CAMTA1: variants seen among roughly 807,000 people sequenced by gnomAD.
CAMTA1 encodes the protein calmodulin-binding transcription activator 1.
CAMTA1 carries 27 observed loss-of-function variants against 170.9 expected under a neutral mutation model. That is an observed-to-expected ratio of 0.16 (90% CI 0.12 to 0.22). CAMTA1 has a LOEUF of 0.22. Among genes scored for constraint, CAMTA1 ranks in the 10% least tolerant of loss-of-function variants. The probability of loss-of-function intolerance (pLI) is 1.00; values close to 1 mark genes in which losing one functional copy is unlikely to be tolerated. For synonymous variants in CAMTA1, 833 were observed against 891.5 expected, an observed-to-expected ratio of 0.93 and a Z score of 1.17; for missense variants, 1,619 against 2,217.2, an observed-to-expected ratio of 0.73 and a Z score of 5.42.
At chr1:7,230,439 C>A (rs963227388) in intron 4 of CAMTA1, among the ~76,000 whole-genome samples, 7 of 83,508 alleles carry the variant, frequency 8.4e-5, no homozygotes, top group South Asian at 4.9e-4. Flanking sequence ...CTGACCCCCC[C>A]CCCCCGCCCC....
chr1:7,193,096 A>G (rs1450825960), intron 4 of CAMTA1, among the ~76,000 whole-genome samples: 1 of 152,098 alleles, frequency 6.6e-6, no homozygotes, highest in Non-Finnish European at 1.5e-5. Flanking sequence ...CACACCTGTA[A>G]TCCCAGCACT....
intron 5 of CAMTA1, among the ~76,000 whole-genome samples, chr1:7,450,281 G>A (rs1347469456): frequency 6.6e-6 from 1 of 152,202 alleles, no homozygotes; most frequent in Non-Finnish European, 1.5e-5. Context: ...CCATCAGCCA[G>A]CCAGTGAAGA....
At chr1:7,246,539 A>T (rs979037712) in intron 4 of CAMTA1, among the ~76,000 whole-genome samples, 1 of 151,914 alleles carries the variant, frequency 6.6e-6, no homozygotes, top group Non-Finnish European at 1.5e-5. Flanking sequence ...GCTATCTTTT[A>T]TGCCATCATG....
intron 5 of CAMTA1, among the ~76,000 whole-genome samples, chr1:7,343,934 G>A (rs1041267835): frequency 1.3e-5 from 2 of 152,176 alleles, no homozygotes; most frequent in Non-Finnish European, 2.9e-5. Flanking sequence ...ACCATTCACC[G>A]AACTCTTCTG....
chr1:7,337,564 G>A (rs2149788758), intron 5 of CAMTA1, among the ~76,000 whole-genome samples: 1 of 138,506 alleles, frequency 7.2e-6, no homozygotes, highest in South Asian at 2.4e-4. Context: ...CACAGTGTGG[G>A]CAGTGGGCCT....
At chr1:7,583,535 GC>G (rs2150412213) in intron 6 of CAMTA1, among the ~76,000 whole-genome samples, 1 of 152,248 alleles carries the variant, frequency 6.6e-6, no homozygotes, top group South Asian at 2.1e-4. Context: ...GCAGAGGCTG[GC>G]CCTGCATGGA....
chr1:7,574,777 C>T lies in CAMTA1; in HGVS notation c.511-65623C>T, dbSNP rs891468274. ...AGAGAGAGGCCAGGTGTCAGGCTGGCTGAGATGGAAGAAAAGTTCCAGGCT... is the reference window on the plus strand; with the variant it reads ...AGAGAGAGGCCAGGTGTCAGGCTGGTTGAGATGGAAGAAAAGTTCCAGGCT... On this transcript the variant is annotated intron_variant, in intron 6 of 22. Transcript: ENST00000303635. Among the ~76,000 whole-genome samples, 3 of 152,142 alleles carry T rather than the reference C, an allele frequency of 2.0e-5. 1 individual carries two copies. Among genetic ancestry groups the T allele is most frequent in the African/African-American group, 7.2e-5 (3 of 41,420 alleles).
intron 3 of CAMTA1, among the ~76,000 whole-genome samples, chr1:6,868,628 C>T (rs1667465226): frequency 6.6e-6 from 1 of 152,072 alleles, no homozygotes; most frequent in East Asian, 1.9e-4. Context: ...AAGTACTACT[C>T]CTTGGTGTGG....
rs551899104 is a variant in CAMTA1, at chr1:7,256,186, G to A, written c.438+6560G>A. Reference sequence around the variant, plus strand: ...AATTTCTAATTACTTGGCATCCCTGGTGACATGTTTCTACCCAATTCATAT... The same window carrying A: ...AATTTCTAATTACTTGGCATCCCTGATGACATGTTTCTACCCAATTCATAT... On this transcript the variant is annotated intron_variant, in intron 5 of 22. Transcript: ENST00000303635. 8.3e-4 allele frequency among the ~76,000 whole-genome samples: 126 copies of A among 152,248 alleles called. 1 individual carries two copies. In the South Asian group the frequency reaches 0.025, roughly 30 times the overall value.
intron 5 of CAMTA1, among the ~76,000 whole-genome samples, chr1:7,390,812 G>A (rs958085197): frequency 2.6e-5 from 4 of 152,220 alleles, no homozygotes; most frequent in African/African-American, 7.2e-5. Context: ...TGCACCGCCC[G>A]CCAGGTGTGC....
In CAMTA1 at chr1:6,926,179, CTCA is replaced by C. The variant is rs370234981; in HGVS notation, c.234+100974_234+100976del. Among the ~76,000 whole-genome samples, 180 of 152,348 alleles carry C rather than the reference CTCA, an allele frequency of 1.2e-3. 1 individual carries two copies. The highest frequency in any genetic ancestry group is 4.2e-3 in the African/African-American group (176 of 41,586). On this transcript the variant is annotated intron_variant, in intron 3 of 22. Coordinates refer to ENST00000303635, the MANE Select transcript of CAMTA1 (RefSeq NM_015215.4). ...TTGGTGGTTGTCACTAATGATCACT[CTCA>C]TCATGCCTATCTGCCCCACGTTGGG...
At chr1:7,160,055 G>C (rs531015552) in intron 4 of CAMTA1, among the ~76,000 whole-genome samples, 21 of 152,202 alleles carry the variant, frequency 1.4e-4, no homozygotes, top group Admixed American at 1.3e-3. Flanking sequence ...TTTGAGACCA[G>C]CCTGGCCAGC....
At chr1:7,163,134 A>T (rs1477604687) in intron 4 of CAMTA1, among the ~76,000 whole-genome samples, 1 of 151,648 alleles carries the variant, frequency 6.6e-6, no homozygotes, top group African/African-American at 2.4e-5. Flanking sequence ...GAGTGAATAA[A>T]CCATGTGGTT....
chr1:7,376,877 G>T (rs977868625), intron 5 of CAMTA1, among the ~76,000 whole-genome samples: 1 of 152,184 alleles, frequency 6.6e-6, no homozygotes, highest in South Asian at 2.1e-4. Flanking sequence ...CAGATAGGCT[G>T]CTCCCTGGGA....
chr1:7,384,724 C>T (rs923406140), intron 5 of CAMTA1, among the ~76,000 whole-genome samples: 4 of 152,128 alleles, frequency 2.6e-5, no homozygotes, highest in African/African-American at 9.7e-5. Context: ...CTGTAAATCA[C>T]TTCAGCATGT....
intron 4 of CAMTA1, among the ~76,000 whole-genome samples, chr1:7,183,292 G>A (rs1386996795): frequency 4.6e-5 from 7 of 152,102 alleles, no homozygotes; most frequent in South Asian, 2.1e-4. Context: ...AGCCTTTTTT[G>A]AGGGATCCCC....
At chr1:7,755,326 C>CAAAA (rs70987373) in intron 21 of CAMTA1, among the ~76,000 whole-genome samples, 3 of 61,970 alleles carry the variant, frequency 4.8e-5, no homozygotes, top group African/African-American at 1.4e-4. Flanking sequence ...GACTCCGTCT[C>CAAAA]AAAAAAAAAA....
At position 7,601,093 on chromosome 1, in the gene CAMTA1, C is replaced by T. The variant is rs534769373; in HGVS notation, c.511-39307C>T. On this transcript the variant is annotated intron_variant, in intron 6 of 22. Coordinates refer to ENST00000303635, the MANE Select transcript of CAMTA1 (RefSeq NM_015215.4). ...GGTGCCCCTCACCTCCCGGAAGGGG[C>T]GGCTGGCCGGGCCGGGGGCTGACCC... Among the ~76,000 whole-genome samples, 36 of 150,406 alleles carry T rather than the reference C, an allele frequency of 2.4e-4. No homozygotes were observed. The South Asian group carries it at 5.3e-3, about 22-fold the overall frequency.
Position 6,819,849 on chromosome 1 carries a change from C to G in CAMTA1, c.46-332C>G, listed in dbSNP as rs139878690. ...ACCAGGAAGTTAACACTGAGACATT[C>G]CTACTCTCCAGTCCTAAAGTCCTGT... On this transcript the variant is annotated intron_variant, in intron 1 of 22. Transcript: ENST00000303635. Among the ~76,000 whole-genome samples, 25 of 152,334 alleles carry G rather than the reference C, an allele frequency of 1.6e-4. No homozygotes were observed. The East Asian group carries it at 4.6e-3, about 28-fold the overall frequency.
Sources: gnomAD v4.1 joint callset for allele counts (sites outside exome capture counted in the v4.1 genomes callset) on GRCh38, gnomAD v4.1.1 for gene constraint, MANE v1.5 for transcripts, NCBI Gene and HGNC (gene_info 2026-07-23, HGNC 2026-07-21) for gene names.